DISP1: variants seen among roughly 807,000 people sequenced by gnomAD.
DISP1 encodes dispatched RND transporter family member 1, also known as protein dispatched homolog 1.
DISP1 carries 30 observed loss-of-function variants against 37.3 expected under a neutral mutation model. That is an observed-to-expected ratio of 0.80 (90% confidence interval 0.60 to 1.09). The LOEUF is 1.09. DISP1 is among the 50% of genes least tolerant of loss of function. The pLI, the probability that DISP1 is intolerant of heterozygous loss-of-function variation, is 0.00. For missense variants in DISP1, 1,598 were observed against 1,879.5 expected, an observed-to-expected ratio of 0.85 and a Z score of 2.77; for synonymous variants, 634 against 690.2, an observed-to-expected ratio of 0.92 and a Z score of 1.28.
intron 1 of DISP1, among the ~76,000 whole-genome samples, chr1:222,908,259 G>A (rs781253791): frequency 2.0e-5 from 3 of 152,154 alleles, no homozygotes; most frequent in Non-Finnish European, 4.4e-5. Flanking sequence ...GTTGTGTGCC[G>A]AAGGATCACT....
At chr1:222,840,641 C>G (rs541526821) in intron 1 of DISP1, among the ~76,000 whole-genome samples, 1 of 150,020 alleles carries the variant, frequency 6.7e-6, no homozygotes, top group African/African-American at 2.5e-5. Flanking sequence ...CGGCTCACCA[C>G]AACCTCTGCC....
At chr1:222,844,928 T>A (rs2378613) in intron 1 of DISP1, among the ~76,000 whole-genome samples, 123,230 of 152,136 alleles carry the variant, frequency 0.81, 50,277 homozygotes, top group African/African-American at 0.92. Context: ...AAAGGATGGG[T>A]ATTGCTGGGC....
intron 1 of DISP1, among the ~76,000 whole-genome samples, chr1:222,846,567 A>C (rs1667916873): frequency 6.7e-6 from 1 of 149,286 alleles, no homozygotes; most frequent in Admixed American, 6.6e-5. Context: ...CTGCATATCA[A>C]AAAAGCAGGG....
intron 1 of DISP1, among the ~76,000 whole-genome samples, chr1:222,895,898 C>T (rs1671223985): frequency 6.6e-6 from 1 of 152,084 alleles, no homozygotes; most frequent in African/African-American, 2.4e-5. Flanking sequence ...AGGAAAGGCA[C>T]AAAGATTTCT....
chr1:222,943,400 A>G (rs1342478885), intron 3 of DISP1, 68 bp downstream of exon 3: 1 of 1,603,004 alleles, frequency 6.2e-7, no homozygotes, highest in Non-Finnish European at 8.5e-7. Flanking sequence ...GCTTGTGTTT[A>G]TTTTCCTGAA....
rs150714048 is a variant in DISP1, at chr1:222,947,256, C to T, written c.509+3924C>T. On this transcript the variant is annotated intron_variant, in intron 3 of 8. Transcript: ENST00000675850. ...CTAGATACCTCAAATAAGTTGAATC[C>T]TATAGTATTTGCCTTTTTTTTGTCT... Among the ~76,000 whole-genome samples the T allele has an allele frequency of 4.0e-3, 612 of 152,196 alleles. 12 individuals carry two copies. The highest frequency in any genetic ancestry group is 0.017 in the East Asian group (89 of 5,184).
intron 1 of DISP1, among the ~76,000 whole-genome samples, chr1:222,908,676 G>A (rs1558323601): frequency 6.6e-6 from 1 of 152,132 alleles, no homozygotes; most frequent in African/African-American, 2.4e-5. Context: ...TTACAGGCAC[G>A]AGCCACTGTG....
chr1:222,850,153 C>G (rs1282486219), intron 1 of DISP1, among the ~76,000 whole-genome samples: 2 of 152,190 alleles, frequency 1.3e-5, no homozygotes, highest in East Asian at 3.8e-4. Context: ...TAGCATGTTA[C>G]TAGCACATGA....
rs565779267 is a variant in DISP1, at chr1:222,995,849, T to G, written c.987+867T>G. Among the ~76,000 whole-genome samples the G allele has an allele frequency of 2.6e-5, 4 of 152,150 alleles. No individual in the cohort carries two copies. The South Asian group carries it at 8.3e-4, about 32-fold the overall frequency. Reference sequence around the variant, plus strand: ...GCTGAGAGCTAGCCTGACCACCTCATGCAATCACCTGTTCGGTCAACAGGG... The same window carrying G: ...GCTGAGAGCTAGCCTGACCACCTCAGGCAATCACCTGTTCGGTCAACAGGG... On this transcript the variant is annotated intron_variant, in intron 8 of 8. Transcript: ENST00000675850.
At chr1:222,856,231 C>A (rs568409915) in intron 1 of DISP1, among the ~76,000 whole-genome samples, 1 of 152,230 alleles carries the variant, frequency 6.6e-6, no homozygotes, top group South Asian at 2.1e-4. Flanking sequence ...TTTCAAAATT[C>A]TCAGCAAATA....
chr1:222,867,801 T>C lies in DISP1; in HGVS notation c.-159+52723T>C, dbSNP rs76193831. On this transcript the variant is annotated intron_variant, in intron 1 of 8. Transcript: ENST00000675850. ...ATATATGTCAATGTCTTGGTATAGA[T>C]TTATATAGGCAATGATCTATATTAA... is the stretch of plus-strand genomic sequence containing the variant. Among the ~76,000 whole-genome samples, 1,166 of 152,302 alleles carry C rather than the reference T, an allele frequency of 7.7e-3. 51 individuals are homozygous for C. The highest frequency in any genetic ancestry group is 0.063 in the Admixed American group (961 of 15,294).
chr1:222,875,257 G>A (rs1411419673), intron 1 of DISP1, among the ~76,000 whole-genome samples: 1 of 151,836 alleles, frequency 6.6e-6, no homozygotes. Flanking sequence ...AGGTTGCAGT[G>A]AGCCCAAACC....
At chr1:222,863,807 C>G (rs1339882263) in intron 1 of DISP1, among the ~76,000 whole-genome samples, 7 of 152,062 alleles carry the variant, frequency 4.6e-5, no homozygotes. Context: ...CAGTGGGAGT[C>G]CCTGCAAACT....
At chr1:222,914,874 G>A (rs1890619) in intron 1 of DISP1, among the ~76,000 whole-genome samples, 10,444 of 152,206 alleles carry the variant, frequency 0.069, 504 homozygotes, top group East Asian at 0.25. Flanking sequence ...AGCTGAGGCA[G>A]GAGGATTGGT....
At chr1:222,931,296 T>C (rs577875812) in intron 2 of DISP1, among the ~76,000 whole-genome samples, 1 of 152,034 alleles carries the variant, frequency 6.6e-6, no homozygotes, top group Non-Finnish European at 1.5e-5. Flanking sequence ...GTTTTTTTTT[T>C]TTCCTTTGGG....
intron 2 of DISP1, among the ~76,000 whole-genome samples, 154 bp from the exon 3 acceptor site, chr1:222,942,653 G>A (rs1167054521): frequency 1.3e-5 from 2 of 152,026 alleles, no homozygotes; most frequent in Non-Finnish European, 2.9e-5. Context: ...GTGTTGGCTG[G>A]TTCCATCACA....
chr1:222,966,981 A>T (rs1234377002), intron 3 of DISP1, among the ~76,000 whole-genome samples: 1 of 152,112 alleles, frequency 6.6e-6, no homozygotes, highest in Non-Finnish European at 1.5e-5. Flanking sequence ...GAGGGAGGAT[A>T]TATGCAGTTG....
intron 1 of DISP1, among the ~76,000 whole-genome samples, chr1:222,830,509 T>C (rs1446041268): frequency 6.6e-6 from 1 of 152,154 alleles, no homozygotes; most frequent in Non-Finnish European, 1.5e-5. Flanking sequence ...GCCTCCTGAT[T>C]AGCTGGGACT....
At chr1:222,897,006 C>T (rs1179190684) in intron 1 of DISP1, among the ~76,000 whole-genome samples, 2 of 152,202 alleles carry the variant, frequency 1.3e-5, no homozygotes, top group Non-Finnish European at 2.9e-5. Context: ...TAATTCCATA[C>T]ATACATGAAA....
Sources: gnomAD v4.1 joint callset for allele counts (sites outside exome capture counted in the v4.1 genomes callset) on GRCh38, gnomAD v4.1.1 for gene constraint, MANE v1.5 for transcripts, NCBI Gene and HGNC (gene_info 2026-07-23, HGNC 2026-07-21) for gene names.